Variants in FAAH2 observed in about 807,000 individuals in gnomAD.
FAAH2 encodes the protein fatty-acid amide hydrolase 2.
Under a neutral mutation model 36.9 loss-of-function variants are expected in FAAH2, and 60 were observed. That is an observed-to-expected ratio of 1.63 (90% confidence interval 1.32 to 2.02). FAAH2 has a LOEUF of 2.02. FAAH2 is among the 30% of genes most tolerant of loss of function. The probability of loss-of-function intolerance (pLI) is 0.00; values close to 1 mark genes in which losing one functional copy is unlikely to be tolerated. For missense variants in FAAH2, 689 were observed against 397.5 expected (o/e 1.73, Z -6.23); for synonymous variants, 214 against 143.8 (o/e 1.49, Z -3.49).
chrX:57,444,534 A>G (rs2056632655), intron 8 of FAAH2, among the ~76,000 whole-genome samples: 1 of 111,462 alleles, frequency 9.0e-6, no homozygotes, highest in Non-Finnish European at 1.9e-5. Flanking sequence ...AGGAAAGGGA[A>G]TTCTCCGACC....
At chrX:57,337,913 G>A (rs1196403381) in intron 4 of FAAH2, among the ~76,000 whole-genome samples, 1 of 111,715 alleles carries the variant, frequency 9.0e-6, no homozygotes, top group Non-Finnish European at 1.9e-5. Flanking sequence ...AGACAATTAG[G>A]CAAGAAAAAG....
intron 5 of FAAH2, among the ~76,000 whole-genome samples, chrX:57,367,100 C>T (rs182177582): frequency 4.3e-4 from 48 of 112,219 alleles, no homozygotes; most frequent in East Asian, 1.4e-3. Context: ...TAAACTCATA[C>T]GAAATAACCT....
At chrX:57,287,692 G>A (rs1437405883) in intron 1 of FAAH2, among the ~76,000 whole-genome samples, 1 of 111,618 alleles carries the variant, frequency 9.0e-6, no homozygotes, top group Non-Finnish European at 1.9e-5. Flanking sequence ...AATTGTGCAG[G>A]CAGGACTATT....
the FAAH2 span, among the ~76,000 whole-genome samples, chrX:57,280,280 T>C: frequency 9.3e-6 from 1 of 107,976 alleles, no homozygotes; most frequent in Admixed American, 1.0e-4. Flanking sequence ...ATCTGAAATA[T>C]CAAAAAACAG....
intron 7 of FAAH2, among the ~76,000 whole-genome samples, chrX:57,403,194 G>GA (rs767416954): frequency 3.6e-5 from 4 of 111,894 alleles, no homozygotes; most frequent in Admixed American, 9.4e-5. Flanking sequence ...TTTCCCATCT[G>GA]AAAAAAACAA....
At chrX:57,349,308 CATACATAT>C (rs1177469156) in intron 5 of FAAH2, among the ~76,000 whole-genome samples, 5 of 94,381 alleles carry the variant, frequency 5.3e-5, no homozygotes, top group Non-Finnish European at 1.0e-4. Flanking sequence ...GATATACATA[CATACATAT>C]ATACATATAT....
intron 10 of FAAH2, among the ~76,000 whole-genome samples, chrX:57,469,892 A>G (rs1259851397): frequency 8.9e-6 from 1 of 111,891 alleles, no homozygotes; most frequent in Non-Finnish European, 1.9e-5. Flanking sequence ...AAATTATAAC[A>G]AACTGTCTCT....
chrX:57,232,785 T>G, the FAAH2 span, among the ~76,000 whole-genome samples: 2 of 112,295 alleles, frequency 1.8e-5, no homozygotes, highest in Non-Finnish European at 3.8e-5. Context: ...TAGTCCGTGT[T>G]ACAGCCTAGA....
At chrX:57,275,878 C>G in the FAAH2 span, among the ~76,000 whole-genome samples, 1 of 111,864 alleles carries the variant, frequency 8.9e-6, no homozygotes, top group Non-Finnish European at 1.9e-5. Context: ...TCTAACTATC[C>G]TAAATATCTA....
chrX:57,141,167 AT>A, the FAAH2 span, among the ~76,000 whole-genome samples: 2 of 110,549 alleles, frequency 1.8e-5, no homozygotes, highest in Admixed American at 9.6e-5. Flanking sequence ...ATTTCATTGA[AT>A]TTTTTTTGGC....
chrX:57,393,593 G>C (rs916550499), intron 7 of FAAH2: 1 of 903,334 alleles, frequency 1.1e-6, no homozygotes, highest in Non-Finnish European at 1.6e-6. Flanking sequence ...GGGCTTGATT[G>C]TGTCCTTCAT....
intron 10 of FAAH2, among the ~76,000 whole-genome samples, chrX:57,474,932 G>A (rs5915041): frequency 0.37 from 40,971 of 110,810 alleles, 6,435 homozygotes; most frequent in Middle Eastern, 0.61. Context: ...TTTGATTTGT[G>A]TTTTTCTAAT....
chrX:57,208,270 C>A, the FAAH2 span, among the ~76,000 whole-genome samples: 1 of 112,341 alleles, frequency 8.9e-6, no homozygotes, highest in Non-Finnish European at 1.9e-5. Flanking sequence ...GCCACTTTAG[C>A]TTTAGCTGGC....
At chrX:57,152,244 A>C in the FAAH2 span, among the ~76,000 whole-genome samples, 1 of 112,320 alleles carries the variant, frequency 8.9e-6, no homozygotes. Flanking sequence ...GCCGTCTGCC[A>C]GTCCTCAGAT....
intron 10 of FAAH2, among the ~76,000 whole-genome samples, chrX:57,478,869 CA>C (rs974310816): frequency 9.0e-6 from 1 of 111,568 alleles, no homozygotes; most frequent in South Asian, 3.7e-4. Context: ...GTACCAATAC[CA>C]TGCTGTTTTG....
chrX:57,146,459 C>G, the FAAH2 span, among the ~76,000 whole-genome samples: 4 of 111,442 alleles, frequency 3.6e-5, no homozygotes, highest in Non-Finnish European at 7.6e-5. Context: ...GTTCTTGGAG[C>G]TTTTTGAAAG....
In FAAH2 at chrX:57,413,773, A is replaced by G. The variant is rs1180689172; in HGVS notation, c.997-18145A>G. 8.0e-5 allele frequency among the ~76,000 whole-genome samples: 9 copies of G among 111,923 alleles called. No homozygotes were observed. In the East Asian group the frequency reaches 2.2e-3, roughly 28 times the overall value. On this transcript the variant is annotated intron_variant, in intron 7 of 10. Coordinates refer to ENST00000374900, the MANE Select transcript of FAAH2 (RefSeq NM_174912.4). ...AAGTCAATGGTAGCTTGATGGGGAT[A>G]GCATTGAATTTATAAATTACTTTGG...
At chrX:57,231,053 G>GTGTGTGTGTT in the FAAH2 span, among the ~76,000 whole-genome samples, 1 of 108,670 alleles carries the variant, frequency 9.2e-6, no homozygotes, top group Non-Finnish European at 1.9e-5. Flanking sequence ...GTGTGTGTGT[G>GTGTGTGTGTT]TGTGTGTGTG....
chrX:57,141,032 G>C, the FAAH2 span, among the ~76,000 whole-genome samples: 1 of 112,042 alleles, frequency 8.9e-6, no homozygotes, highest in East Asian at 2.8e-4. Context: ...TAGACAAAAG[G>C]CTTTCAGGTT....
Sources: gnomAD v4.1 joint callset for allele counts (sites outside exome capture counted in the v4.1 genomes callset) on GRCh38, gnomAD v4.1.1 for gene constraint, MANE v1.5 for transcripts, NCBI Gene and HGNC (gene_info 2026-07-23, HGNC 2026-07-21) for gene names.